TRABD2B: variants seen among roughly 807,000 people sequenced by gnomAD.
TRABD2B encodes TraB domain containing 2B.
In TRABD2B, 14 loss-of-function variants were observed where a neutral mutation model predicts 40.1. That is an observed-to-expected ratio of 0.35 (90% CI 0.23 to 0.55). The LOEUF is 0.55. Ranked by LOEUF, TRABD2B falls within the 20% of genes least tolerant of loss-of-function variation. The probability of loss-of-function intolerance (pLI) is 0.90; values close to 1 mark genes in which losing one functional copy is unlikely to be tolerated. For synonymous variants in TRABD2B, 263 were observed against 277.0 expected, an observed-to-expected ratio of 0.95 and a Z score of 0.50; for missense variants, 541 against 648.6, an observed-to-expected ratio of 0.83 and a Z score of 1.80.
chr1:47,841,998 TC>T (rs1161798935), intron 2 of TRABD2B, among the ~76,000 whole-genome samples: 53 of 151,964 alleles, frequency 3.5e-4, no homozygotes, highest in African/African-American at 1.2e-3. Context: ...GGTCTTGAGC[TC>T]CCAACCTCGT....
At chr1:47,812,443 G>A (rs1490368821) in intron 2 of TRABD2B, among the ~76,000 whole-genome samples, 5 of 152,178 alleles carry the variant, frequency 3.3e-5, no homozygotes, top group African/African-American at 1.2e-4. Context: ...AGTGTTCACC[G>A]CAGGCTGTGC....
At chr1:47,832,701 C>CT (rs543465608) in intron 2 of TRABD2B, among the ~76,000 whole-genome samples, 11 of 152,262 alleles carry the variant, frequency 7.2e-5, no homozygotes, top group African/African-American at 2.4e-4. Context: ...GTCTACAAGT[C>CT]TTGACGCTGG....
intron 2 of TRABD2B, among the ~76,000 whole-genome samples, chr1:47,876,486 C>A (rs1478994671): frequency 6.6e-6 from 1 of 152,160 alleles, no homozygotes; most frequent in Non-Finnish European, 1.5e-5. Flanking sequence ...GGTCAAGAGG[C>A]CTCTAGCTGG....
chr1:47,875,674 C>CA (rs10541556), intron 2 of TRABD2B, among the ~76,000 whole-genome samples: 1,841 of 75,918 alleles, frequency 0.024, 79 homozygotes, highest in East Asian at 0.089. Flanking sequence ...AACCCTGTCT[C>CA]AAAAAAAAAA....
intron 2 of TRABD2B, among the ~76,000 whole-genome samples, chr1:47,810,402 G>A (rs1644948863): frequency 6.6e-6 from 1 of 152,034 alleles, no homozygotes; most frequent in African/African-American, 2.4e-5. Context: ...AGATGTCCAG[G>A]TAAGGTTGCA....
intron 2 of TRABD2B, among the ~76,000 whole-genome samples, chr1:47,816,853 T>A (rs767432616): frequency 6.6e-6 from 1 of 152,182 alleles, no homozygotes; most frequent in Non-Finnish European, 1.5e-5. Flanking sequence ...ATTTTACTGG[T>A]GAGACAAAGG....
intron 2 of TRABD2B, among the ~76,000 whole-genome samples, chr1:47,899,851 A>C (rs1437168275): frequency 1.3e-5 from 2 of 152,162 alleles, no homozygotes; most frequent in Admixed American, 6.5e-5. Context: ...GTCAGAGTGC[A>C]GCCTTGCACT....
intron 2 of TRABD2B, among the ~76,000 whole-genome samples, chr1:47,868,748 G>A (rs1644096491): frequency 6.6e-6 from 1 of 152,122 alleles, no homozygotes. Context: ...CAAAAAGGTT[G>A]GGAACCACTG....
chr1:47,933,263 G>A (rs892684170), intron 2 of TRABD2B, among the ~76,000 whole-genome samples: 157 of 151,856 alleles, frequency 1.0e-3, no homozygotes, highest in African/African-American at 3.6e-3. Context: ...CCGCCACCAC[G>A]CCTGGCTAAT....
rs992996619 is a variant in TRABD2B at position 47,761,031 on chromosome 1, T to G, written c.*4871A>C. The G allele has an allele frequency of 6.6e-6, 1 of 152,248 alleles. No individual in the cohort carries two copies. The highest frequency in any genetic ancestry group is 1.5e-5 in the Non-Finnish European group (1 of 68,084). 9.4% of individuals were successfully genotyped at this position (152,248 alleles called of 1,614,324 possible). On this transcript the variant is annotated 3_prime_UTR_variant, in exon 7 of 7. Coordinates refer to ENST00000606738, the MANE Select transcript of TRABD2B (RefSeq NM_001194986.2). Reference sequence around the variant, plus strand: ...TTTCAATCCCATGGCAGCCTGTGGGTCCTGGGAAGAAAGCCAAGCACCTCA... The same window carrying G: ...TTTCAATCCCATGGCAGCCTGTGGGGCCTGGGAAGAAAGCCAAGCACCTCA...
chr1:47,800,245 G>C (rs887885515), intron 3 of TRABD2B, among the ~76,000 whole-genome samples: 3 of 152,220 alleles, frequency 2.0e-5, no homozygotes, highest in African/African-American at 7.2e-5. Flanking sequence ...GGGAAAAAAA[G>C]TGGAGCATAA....
intron 3 of TRABD2B, among the ~76,000 whole-genome samples, chr1:47,799,438 C>T (rs895450636): frequency 4.6e-5 from 7 of 152,210 alleles, no homozygotes; most frequent in South Asian, 2.1e-4. Flanking sequence ...TCAGAGCTCT[C>T]GGAATCCTGA....
chr1:47,928,658 A>T (rs1250793916), intron 2 of TRABD2B, among the ~76,000 whole-genome samples: 1 of 152,264 alleles, frequency 6.6e-6, no homozygotes, highest in African/African-American at 2.4e-5. Flanking sequence ...AAGAGTTCCC[A>T]GTCCAATCCT....
At position 47,997,072 on chromosome 1, in the gene TRABD2B, C is replaced by CG; in HGVS notation, c.-284dup. ...CGGGTGCTGAGGGCGTGTTGGGGTCCGGGGGCGCGCGGGGTCCCGGAGCTG... is the reference window on the plus strand; with the variant it reads ...CGGGTGCTGAGGGCGTGTTGGGGTCCGGGGGGCGCGCGGGGTCCCGGAGCTG... On this transcript the variant is annotated 5_prime_UTR_variant, in exon 1 of 7. Transcript: ENST00000606738. 1 of 984,170 alleles carries CG rather than the reference C, an allele frequency of 1.0e-6. No individual in the cohort carries two copies. The highest frequency in any genetic ancestry group is 4.7e-5 in the South Asian group (1 of 21,246). 61.0% of individuals were successfully genotyped at this position (984,170 alleles called of 1,614,324 possible). A position where few individuals can be genotyped will look rare whatever the true frequency, so the allele number is the denominator to read the frequency against.
In TRABD2B at chr1:47,937,708, C is replaced by A. The variant is rs768405143; in HGVS notation, c.666+56326G>T. ...AGATCCTTGATAAAGGAGTAGGGTT[C>A]ATGGAGGTGGGGCCACCCAATGTTT... is the stretch of plus-strand genomic sequence containing the variant. On this transcript the variant is annotated intron_variant, in intron 2 of 6. Coordinates refer to ENST00000606738, the MANE Select transcript of TRABD2B (RefSeq NM_001194986.2). 3.9e-4 allele frequency among the ~76,000 whole-genome samples: 60 copies of A among 152,024 alleles called. 1 individual carries two copies. The highest frequency in any genetic ancestry group is 6.2e-4 in the Non-Finnish European group (42 of 68,016).
At chr1:47,969,746 T>C (rs1016347756) in intron 2 of TRABD2B, among the ~76,000 whole-genome samples, 1 of 152,188 alleles carries the variant, frequency 6.6e-6, no homozygotes, top group Non-Finnish European at 1.5e-5. Context: ...TAGAATCAGA[T>C]TCACAAACCT....
rs58366003 is a variant in TRABD2B, at chr1:47,775,389, G to A, written c.1130C>T (p.Pro377Leu). Residue 377 changes from proline (P) to leucine (L), a missense_variant, in exon 6 of 7, where the codon CCG becomes CTG. Transcript: ENST00000606738. ...AGCGGCAGCTGGGGTCACTGGGGCC[G>A]GGCTCGTCGAGGTCCCCTCAGGAGA... ...APSPEGTSTS[P>L]APVTPAAAVP... The A allele has an allele frequency of 0.072, 89,633 of 1,237,054 alleles. 3,716 individuals are homozygous for A. The highest frequency in any genetic ancestry group is 0.16 in the African/African-American group (10,252 of 64,642). 76.6% of individuals were successfully genotyped at this position (1,237,054 alleles called of 1,614,324 possible).
chr1:47,791,353 G>T (rs1011966796), intron 4 of TRABD2B, among the ~76,000 whole-genome samples: 1 of 152,216 alleles, frequency 6.6e-6, no homozygotes, highest in East Asian at 1.9e-4. Flanking sequence ...AGGCTGGGTT[G>T]GTGGGGGTCA....
intron 2 of TRABD2B, among the ~76,000 whole-genome samples, chr1:47,880,443 T>G (rs1644286221): frequency 6.6e-6 from 1 of 152,208 alleles, no homozygotes; most frequent in Non-Finnish European, 1.5e-5. Flanking sequence ...CAGGAAACAA[T>G]AATTACACAG....
Sources: allele counts gnomAD v4.1 joint callset (sites outside exome capture counted in the v4.1 genomes callset), GRCh38; gene constraint gnomAD v4.1.1; transcripts MANE v1.5; gene names NCBI Gene and HGNC (gene_info 2026-07-23, HGNC 2026-07-21).